Variants in KCNN2 observed in about 807,000 individuals in gnomAD.
KCNN2 encodes the protein small conductance calcium-activated potassium channel protein 2.
In KCNN2, 24 loss-of-function variants were observed where a neutral mutation model predicts 55.5. The observed-to-expected ratio is 0.43, with a 90% confidence interval of 0.31 to 0.61. The LOEUF is 0.61. Among genes scored for constraint, KCNN2 ranks in the 20% least tolerant of loss-of-function variants. The pLI is 0.08. For synonymous variants in KCNN2, 431 were observed against 336.1 expected (o/e 1.28, Z -3.09); for missense variants, 754 against 853.6 (o/e 0.88, Z 1.45).
intron 1 of KCNN2, among the ~76,000 whole-genome samples, chr5:114,116,344 G>A (rs777887699): frequency 2.0e-5 from 3 of 152,136 alleles, no homozygotes; most frequent in Non-Finnish European, 4.4e-5. Flanking sequence ...CTGATTATCC[G>A]ACTAAAGTTA....
intron 2 of KCNN2, among the ~76,000 whole-genome samples, chr5:114,234,845 C>T (rs1268780100): frequency 6.6e-6 from 1 of 152,082 alleles, no homozygotes. Flanking sequence ...GGAATGGCCT[C>T]TTTAAATCCT....
rs954632276 is a variant in KCNN2, at chr5:114,057,540, A to G, written c.-271+1040A>G. On this transcript the variant is annotated intron_variant, in intron 1 of 10. Transcript: ENST00000512097. ...CCTCTGTGCCAGGTGCTGTGCTAGG[A>G]GATGCAACAGTGGACAAGGCAACCA... is the stretch of plus-strand genomic sequence containing the variant. Among the ~76,000 whole-genome samples the G allele has an allele frequency of 2.6e-5, 4 of 152,226 alleles. 1 individual carries two copies. The highest frequency in any genetic ancestry group is 2.0e-4 in the Admixed American group (3 of 15,276).
intron 2 of KCNN2, among the ~76,000 whole-genome samples, chr5:114,385,514 TGCGC>T (rs369914146): frequency 0.02 from 1,666 of 81,458 alleles, 28 homozygotes; most frequent in African/African-American, 0.07. Flanking sequence ...CATACACACA[TGCGC>T]GCACACACAC....
chr5:114,154,987 G>T (rs1344447926), intron 1 of KCNN2, among the ~76,000 whole-genome samples: 2 of 151,690 alleles, frequency 1.3e-5, no homozygotes, highest in Admixed American at 1.3e-4. Flanking sequence ...CATCACCCAG[G>T]TATTAAGACT....
At chr5:114,130,899 C>G (rs1254554664) in intron 1 of KCNN2, among the ~76,000 whole-genome samples, 1 of 152,148 alleles carries the variant, frequency 6.6e-6, no homozygotes, top group Non-Finnish European at 1.5e-5. Context: ...GTGCTTTCAT[C>G]TTACTACTCT....
intron 2 of KCNN2, among the ~76,000 whole-genome samples, chr5:114,222,936 G>A (rs981146049): frequency 5.9e-5 from 9 of 152,210 alleles, no homozygotes; most frequent in East Asian, 1.9e-4. Context: ...ATATTTAAAC[G>A]CTTAATCTTA....
At chr5:114,416,774 C>T (rs1165136012) in intron 3 of KCNN2, among the ~76,000 whole-genome samples, 1 of 152,040 alleles carries the variant, frequency 6.6e-6, no homozygotes, top group Non-Finnish European at 1.5e-5. Context: ...ATTTTACGGA[C>T]TTTTGTATTT....
chr5:114,372,236 C>G (rs1183641801), intron 2 of KCNN2, among the ~76,000 whole-genome samples: 4 of 152,078 alleles, frequency 2.6e-5, no homozygotes, highest in Non-Finnish European at 5.9e-5. Context: ...ACACATTTGA[C>G]TCTTCTTTCC....
At chr5:114,275,039 A>T (rs1436231169) in intron 2 of KCNN2, among the ~76,000 whole-genome samples, 1 of 152,218 alleles carries the variant, frequency 6.6e-6, no homozygotes, top group African/African-American at 2.4e-5. Context: ...AGTTTTTAGC[A>T]TGAAAGGCTG....
At chr5:114,280,902 C>A (rs1322596554) in intron 2 of KCNN2, among the ~76,000 whole-genome samples, 1 of 152,126 alleles carries the variant, frequency 6.6e-6, no homozygotes, top group African/African-American at 2.4e-5. Context: ...TCTTGCCTGT[C>A]CTTGTTCTGT....
At chr5:114,336,328 G>T (rs180801495) in intron 2 of KCNN2, among the ~76,000 whole-genome samples, 1 of 152,206 alleles carries the variant, frequency 6.6e-6, no homozygotes, top group Admixed American at 6.5e-5. Context: ...GCAGAAAAGT[G>T]AAATGATATC....
chr5:114,130,391 G>C (rs1187465962), intron 1 of KCNN2, among the ~76,000 whole-genome samples: 1 of 152,142 alleles, frequency 6.6e-6, no homozygotes, highest in Middle Eastern at 3.2e-3. Context: ...CATTTTATTC[G>C]TTCAAGAAGT....
chr5:114,065,816 C>G (rs17136230), intron 1 of KCNN2, among the ~76,000 whole-genome samples: 75,018 of 141,994 alleles, frequency 0.53, 20,130 homozygotes, highest in East Asian at 0.7. Flanking sequence ...TGAGTTGTTG[C>G]TAAGAGCTTT....
At position 114,170,014 on chromosome 5, in the gene KCNN2, A is replaced by T. The variant is rs60390551; in HGVS notation, c.-270-51466A>T. 3.6e-3 allele frequency among the ~76,000 whole-genome samples: 551 copies of T among 152,170 alleles called. 5 individuals are homozygous for T. The highest frequency in any genetic ancestry group is 0.013 in the African/African-American group (526 of 41,546). ...CCTTCCTGCTATTGTAAATGGAAAG[A>T]TGATTCTTCTTCTTCCCTACTTAGT... On this transcript the variant is annotated intron_variant, in intron 1 of 10. Coordinates refer to the KCNN2 transcript ENST00000512097.
chr5:114,360,411 G>A (rs943807646), upstream of KCNN2, among the ~76,000 whole-genome samples: 26 of 152,154 alleles, frequency 1.7e-4, no homozygotes, highest in African/African-American at 5.8e-4. Context: ...ATGACCTAAT[G>A]AGGGTGATCC....
At chr5:114,175,200 A>C (rs1006734377) in intron 1 of KCNN2, among the ~76,000 whole-genome samples, 2 of 152,200 alleles carry the variant, frequency 1.3e-5, no homozygotes, top group East Asian at 3.8e-4. Flanking sequence ...GGCTAGGATT[A>C]TGAGGAATTC....
intron 2 of KCNN2, among the ~76,000 whole-genome samples, chr5:114,262,478 A>G (rs1428302183): frequency 6.6e-6 from 1 of 152,192 alleles, no homozygotes; most frequent in Non-Finnish European, 1.5e-5. Context: ...CAGAGTAGTC[A>G]TGAATGTGGG....
At chr5:114,366,631 A>G (rs780317013) in intron 2 of KCNN2, among the ~76,000 whole-genome samples, 1 of 152,142 alleles carries the variant, frequency 6.6e-6, no homozygotes, top group Non-Finnish European at 1.5e-5. Context: ...GCTGTCAAAT[A>G]CCTTATTCTG....
intron 2 of KCNN2, among the ~76,000 whole-genome samples, chr5:114,293,670 C>G (rs553753386): frequency 1.3e-5 from 2 of 152,298 alleles, no homozygotes; most frequent in South Asian, 4.1e-4. Context: ...TGTTGTGTCT[C>G]TGCGAGGCTT....
Sources: allele counts gnomAD v4.1 joint callset (sites outside exome capture counted in the v4.1 genomes callset), GRCh38; gene constraint gnomAD v4.1.1; transcripts MANE v1.5; gene names NCBI Gene and HGNC (gene_info 2026-07-23, HGNC 2026-07-21).